Variants in ACTR3B observed in about 807,000 individuals in gnomAD.
The protein encoded by ACTR3B is actin related protein 3B, also known as actin-related protein 3B.
A neutral mutation model predicts 59.0 loss-of-function variants in ACTR3B; 8 were observed. The ratio of observed to expected loss-of-function variants is 0.14; its 90% confidence interval spans 0.08 to 0.24. The LOEUF (loss-of-function observed/expected upper bound fraction) is 0.24. Ranked by LOEUF, ACTR3B falls within the 10% of genes least tolerant of loss-of-function variation. The pLI is 1.00. For synonymous variants in ACTR3B, 148 were observed against 197.9 expected (o/e 0.75, Z 2.12); for missense variants, 245 against 552.3 (o/e 0.44, Z 5.58).
At chr7:152,825,187 A>T in intron 9 of ACTR3B, 65 bp downstream of exon 9, 2 of 1,549,186 alleles carry the variant, frequency 1.3e-6, no homozygotes, top group Non-Finnish European at 1.8e-6. Flanking sequence ...AATTCTTAGA[A>T]GACGGTATTA....
intron 9 of ACTR3B, among the ~76,000 whole-genome samples, chr7:152,841,690 T>C (rs985377527): frequency 1.3e-5 from 2 of 152,236 alleles, no homozygotes; most frequent in African/African-American, 4.8e-5. Flanking sequence ...CAATCTTATG[T>C]CCTCACACAG....
At chr7:152,765,562 T>G (rs1482752533) in intron 1 of ACTR3B, among the ~76,000 whole-genome samples, 1 of 152,072 alleles carries the variant, frequency 6.6e-6, no homozygotes, top group Non-Finnish European at 1.5e-5. Flanking sequence ...GTTACAGGAT[T>G]GCTTTCATGT....
intron 1 of ACTR3B, among the ~76,000 whole-genome samples, chr7:152,773,955 G>T (rs1252756796): frequency 6.6e-6 from 1 of 152,140 alleles, no homozygotes; most frequent in African/African-American, 2.4e-5. Context: ...GCACCAACGA[G>T]TTCCAGAGCC....
At chr7:152,760,012 G>C in intron 1 of ACTR3B, 86 bp downstream of exon 1, 1 of 1,191,360 alleles carries the variant, frequency 8.4e-7, no homozygotes, top group Non-Finnish European at 1.1e-6. Flanking sequence ...GTCGAGCTGC[G>C]TCCGTCGCCC....
intron 4 of ACTR3B, among the ~76,000 whole-genome samples, chr7:152,803,648 A>G (rs1172104902): frequency 2.0e-5 from 3 of 152,102 alleles, no homozygotes; most frequent in Non-Finnish European, 1.5e-5. Flanking sequence ...ATTTTTATTA[A>G]AGGGGACTCT....
chr7:152,797,112 A>T (rs2098220135), intron 2 of ACTR3B, among the ~76,000 whole-genome samples: 1 of 151,472 alleles, frequency 6.6e-6, no homozygotes, highest in South Asian at 2.1e-4. Flanking sequence ...AACTTTTTTG[A>T]TATAGGGTCT....
At chr7:152,835,956 G>C (rs2530944) in intron 9 of ACTR3B, among the ~76,000 whole-genome samples, 2 of 144,742 alleles carry the variant, frequency 1.4e-5, no homozygotes, top group East Asian at 4.1e-4. Context: ...GTGAACGAGA[G>C]GCACGGCAGG....
At position 152,854,515 on chromosome 7, in the gene ACTR3B, A is replaced by G. The variant is rs1799103418; in HGVS notation, c.1219A>G (p.Ile407Val). The G allele has an allele frequency of 1.2e-6, 2 of 1,613,990 alleles. No individual in the cohort carries two copies. Among genetic ancestry groups the G allele is most frequent in the South Asian group, 2.2e-5 (2 of 91,066 alleles). The change falls in exon 12 of 12, where the codon ATC becomes GTC. Residue 407 changes from isoleucine (I) to valine (V), a missense_variant. By Grantham distance (29) the Ile-to-Val change is conservative (BLOSUM62 3). Coordinates refer to ENST00000256001, the MANE Select transcript of ACTR3B (RefSeq NM_020445.6). This position sits in a 1 kb window ranked among gnomAD's most constrained non-coding sequence, Gnocchi z 4.9. ...GGACTATGAAGAGTACGGGCCCAGC[A>G]TCTGCCGCCACAACCCCGTCTTTGG... ...KKDYEEYGPS[I>V]CRHNPVFGVM...
chr7:152,808,199 G>T (rs1030638557), intron 4 of ACTR3B, among the ~76,000 whole-genome samples: 23 of 152,042 alleles, frequency 1.5e-4, no homozygotes, highest in African/African-American at 5.6e-4. Context: ...GCATGTGCCA[G>T]GATTCCTTTC....
intron 2 of ACTR3B, among the ~76,000 whole-genome samples, chr7:152,786,893 T>TCATA (rs1390704997): frequency 1.3e-5 from 2 of 152,356 alleles, no homozygotes; most frequent in African/African-American, 4.8e-5. Context: ...TATGTTTTTA[T>TCATA]CATACATACA....
At position 152,823,503 on chromosome 7, in the gene ACTR3B, C is replaced by T. The variant is rs1196601335; in HGVS notation, c.846C>T (p.Phe282=). Residue 282 remains phenylalanine, a synonymous_variant, in exon 8 of 12, where the codon TTC becomes TTT. Transcript: ENST00000256001. Reference sequence around the variant, plus strand: ...AAAGATTCCTGGGACCTGAAATATTCTTTCACCCGGAGGTGAGATGTTTCC... The same window carrying T: ...AAAGATTCCTGGGACCTGAAATATTTTTTCACCCGGAGGTGAGATGTTTCC... ...GYERFLGPEI[F]FHPEFANPDF... 6.2e-7 allele frequency: 1 copy of T among 1,614,102 alleles called. No individual in the cohort carries two copies. Among genetic ancestry groups the T allele is most frequent in the South Asian group, 1.1e-5 (1 of 91,072 alleles).
At chr7:152,843,795 A>T (rs187854781) in intron 9 of ACTR3B, among the ~76,000 whole-genome samples, 102 of 152,342 alleles carry the variant, frequency 6.7e-4, no homozygotes, top group African/African-American at 2.3e-3. Context: ...ATTAATGTTA[A>T]GTTTATGAAG....
chr7:152,851,392 A>C (rs1430610369), intron 9 of ACTR3B, among the ~76,000 whole-genome samples: 1 of 152,210 alleles, frequency 6.6e-6, no homozygotes, highest in Non-Finnish European at 1.5e-5. Flanking sequence ...TCTGACATAC[A>C]TCAGAAGAGG....
At chr7:152,795,336 T>G (rs1477219253) in intron 2 of ACTR3B, among the ~76,000 whole-genome samples, 3 of 152,246 alleles carry the variant, frequency 2.0e-5, no homozygotes, top group East Asian at 3.8e-4. Context: ...CGTGAGCCAC[T>G]GCTCCTGGCC....
chr7:152,818,441 C>T (rs1238749663), intron 6 of ACTR3B, among the ~76,000 whole-genome samples: 1 of 127,580 alleles, frequency 7.8e-6, no homozygotes, highest in African/African-American at 2.6e-5. Context: ...GCTGTATAGT[C>T]TTTAAGCTCT....
intron 4 of ACTR3B, among the ~76,000 whole-genome samples, chr7:152,802,149 A>C (rs1253079325): frequency 6.6e-6 from 1 of 151,730 alleles, no homozygotes; most frequent in South Asian, 2.1e-4. Flanking sequence ...TTCCCAGCAC[A>C]TTTGCCCCAT....
intron 9 of ACTR3B, among the ~76,000 whole-genome samples, chr7:152,849,738 T>G (rs1463494704): frequency 3.3e-5 from 5 of 152,282 alleles, no homozygotes; most frequent in African/African-American, 1.2e-4. Context: ...GTCTTTCACC[T>G]TAGCAACTGG....
intron 10 of ACTR3B, 28 bp from the exon 11 acceptor site, chr7:152,853,466 G>C: frequency 1.2e-6 from 2 of 1,606,846 alleles, no homozygotes; most frequent in Non-Finnish European, 1.7e-6. Context: ...GTGGGTGTGG[G>C]GTAAGTGAGA....
intron 9 of ACTR3B, among the ~76,000 whole-genome samples, chr7:152,834,663 C>CT (rs1342491807): frequency 1.2e-4 from 18 of 152,132 alleles, no homozygotes; most frequent in Non-Finnish European, 2.4e-4. Context: ...GATACCAACT[C>CT]TTTTTTCTGT....
Sources: gnomAD v4.1 joint callset for allele counts (sites outside exome capture counted in the v4.1 genomes callset) on GRCh38, gnomAD v4.1.1 for gene constraint, Gnocchi (gnomAD v3.1) non-coding constraint, MANE v1.5 for transcripts, NCBI Gene and HGNC (gene_info 2026-07-23, HGNC 2026-07-21) for gene names.